The following ZNF229 variants were observed in gnomAD, a reference collection of about 807,000 sequenced individuals.
ZNF229 encodes the protein zinc finger protein 229.
A neutral mutation model predicts 11.8 loss-of-function variants in ZNF229; 10 were observed. The ratio of observed to expected loss-of-function variants is 0.85; its 90% confidence interval spans 0.52 to 1.44. The LOEUF is 1.44. Among genes scored for constraint, ZNF229 ranks in the 40% most tolerant of loss-of-function variants. The probability of loss-of-function intolerance (pLI) is 0.00; values close to 1 mark genes in which losing one functional copy is unlikely to be tolerated. For missense variants in ZNF229, 1,045 were observed against 1,015.1 expected, an observed-to-expected ratio of 1.03 and a Z score of -0.40; for synonymous variants, 368 against 374.8, an observed-to-expected ratio of 0.98 and a Z score of 0.21.
Position 44,442,946 on chromosome 19 carries a change from G to A in ZNF229, c.-99C>T, listed in dbSNP as rs569642791. 1.2e-4 allele frequency: 168 copies of A among 1,415,580 alleles called. 1 individual carries two copies. In the South Asian group the frequency reaches 1.5e-3, roughly 13 times the overall value. 87.7% of individuals were successfully genotyped at this position (1,415,580 alleles called of 1,614,324 possible). A position where few individuals can be genotyped will look rare whatever the true frequency, so the allele number is the denominator to read the frequency against. On this transcript the variant is annotated 5_prime_UTR_variant, in exon 3 of 6. Coordinates refer to ENST00000614049, the MANE Select transcript of ZNF229 (RefSeq NM_014518.4). ...AGAAGATCCAGGCCTTTTTCATTCCGGAAACTCTCCAAGCTCTGACAAGTT... is the reference window on the plus strand; with the variant it reads ...AGAAGATCCAGGCCTTTTTCATTCCAGAAACTCTCCAAGCTCTGACAAGTT...
chr19:44,446,715 G>C (rs944448511), intron 2 of ZNF229, among the ~76,000 whole-genome samples: 4 of 152,296 alleles, frequency 2.6e-5, no homozygotes, highest in Admixed American at 6.5e-5. Flanking sequence ...AAATTAAGAT[G>C]GAAAAGGTAA....
chr19:44,439,482 C>T (rs1568406843), intron 4 of ZNF229, among the ~76,000 whole-genome samples: 2 of 152,076 alleles, frequency 1.3e-5, no homozygotes, highest in South Asian at 2.1e-4. Context: ...CTCACTCTGT[C>T]GCCCAGGCTG....
Position 44,428,946 on chromosome 19 carries a change from C to A in ZNF229, c.1835G>T (p.Ser612Ile), listed in dbSNP as rs1225862518. The A allele has an allele frequency of 1.9e-6, 3 of 1,613,334 alleles. No individual in the cohort carries two copies. Among genetic ancestry groups the A allele is most frequent in the Middle Eastern group, 3.3e-4 (2 of 6,062 alleles). ...CCTCTGATGGATAAGGAGGTCGGAG[C>A]TGTAGATGAAACCCTTCCCACACAC... ...CDVCGKGFIY[S>I]SDLLIHQRVH... The change falls in exon 6 of 6, where the codon AGC becomes ATC. Residue 612 changes from serine (S) to isoleucine (I), a missense_variant. Ser to Ile is a moderately radical substitution (Grantham distance 142). Coordinates refer to ENST00000614049, the MANE Select transcript of ZNF229 (RefSeq NM_014518.4).
chr19:44,430,275 T>G lies in ZNF229; in HGVS notation c.506A>C (p.Glu169Ala). The stretch of plus-strand genomic sequence containing the variant: ...TCTCCAGGCTGGAAACTGTTGATTT[T>G]CTAGACCGATAAGCCCATCCCCTTG... Reference protein sequence around the residue: ...SLQGDGLIGLENQQFPAWRAI... With the variant: ...SLQGDGLIGLANQQFPAWRAI... Residue 169 changes from glutamate to alanine, a missense_variant, in exon 6 of 6, where the codon GAA becomes GCA. Coordinates refer to ENST00000614049, the MANE Select transcript of ZNF229 (RefSeq NM_014518.4). 1.2e-6 allele frequency: 2 copies of G among 1,614,162 alleles called. No individual in the cohort carries two copies. The highest frequency in any genetic ancestry group is 1.1e-5 in the South Asian group (1 of 91,084).
At position 44,428,409 on chromosome 19, in the gene ZNF229, G is replaced by C; in HGVS notation, c.2372C>G (p.Thr791Ser). Residue 791 changes from threonine to serine, a missense_variant, in exon 6 of 6, where the codon ACT becomes AGT. Coordinates refer to ENST00000614049, the MANE Select transcript of ZNF229 (RefSeq NM_014518.4). Reference sequence around the variant, plus strand: ...ACCACACGTATAGGGCTTCTCTCCAGTGTGGACTCTCTGATGAACATGAAG... The same window carrying C: ...ACCACACGTATAGGGCTTCTCTCCACTGTGGACTCTCTGATGAACATGAAG... ...SCLHVHQRVH[T>S]GEKPYTCGVC... 1 of 1,614,110 alleles carries C rather than the reference G, an allele frequency of 6.2e-7. No homozygotes were observed. Among genetic ancestry groups the C allele is most frequent in the Non-Finnish European group, 8.5e-7 (1 of 1,180,008 alleles).
chr19:44,440,153 T>TA (rs1002525636), intron 4 of ZNF229, among the ~76,000 whole-genome samples: 7 of 151,460 alleles, frequency 4.6e-5, no homozygotes, highest in African/African-American at 1.5e-4. Flanking sequence ...TTTTTAAGTG[T>TA]AAAAAAAATC....
intron 4 of ZNF229, among the ~76,000 whole-genome samples, chr19:44,436,123 T>C (rs946429916): frequency 3.9e-5 from 6 of 152,114 alleles, no homozygotes; most frequent in African/African-American, 1.2e-4. Context: ...CAGGGAGACA[T>C]GTTGGCCCGG....
In ZNF229 at chr19:44,431,876, C is replaced by T. The variant is rs556791393; in HGVS notation, c.238+346G>A. ...TACCATTAGGAGGTGGTGGGTCTTC[C>T]GGAGGTAATTAAGTCATGGAGGTGG... On this transcript the variant is annotated intron_variant, in intron 5 of 5. Coordinates refer to ENST00000614049, the MANE Select transcript of ZNF229 (RefSeq NM_014518.4). 55 of 914,800 alleles carry T rather than the reference C, an allele frequency of 6.0e-5. No individual in the cohort carries two copies. In the African/African-American group the frequency reaches 6.1e-4, roughly 10 times the overall value. 56.7% of individuals were successfully genotyped at this position (914,800 alleles called of 1,614,324 possible). A position where few individuals can be genotyped will look rare whatever the true frequency, so the allele number is the denominator to read the frequency against.
In ZNF229 at chr19:44,432,355, G is replaced by A; in HGVS notation, c.105C>T (p.Ser35=). 1 of 1,613,214 alleles carries A rather than the reference G, an allele frequency of 6.2e-7. No individual in the cohort carries two copies. The highest frequency in any genetic ancestry group is 1.1e-5 in the South Asian group (1 of 90,930). ...TGAAGACCACAGCCACGTCCTTGAA[G>A]CTCAATGGCTCCTAAAATGAAAAAC... ...EEKIMSQEPL[S]FKDVAVVFTE... The change falls in exon 5 of 6, where the codon AGC becomes AGT. Residue 35 remains serine (S), a synonymous_variant. Transcript: ENST00000614049.
At position 44,428,948 on chromosome 19, in the gene ZNF229, G is replaced by A. The variant is rs751352478; in HGVS notation, c.1833C>T (p.Tyr611=). Residue 611 remains tyrosine (Y), a synonymous_variant, in exon 6 of 6, where the codon TAC becomes TAT. Transcript: ENST00000614049. ...TCTGATGGATAAGGAGGTCGGAGCT[G>A]TAGATGAAACCCTTCCCACACACGT... ...VCDVCGKGFI[Y]SSDLLIHQRV... The A allele has an allele frequency of 1.2e-6, 2 of 1,610,016 alleles. No individual in the cohort carries two copies. Among genetic ancestry groups the A allele is most frequent in the Non-Finnish European group, 1.7e-6 (2 of 1,178,580 alleles).
At chr19:44,442,175 G>C (rs141219302) in intron 4 of ZNF229, among the ~76,000 whole-genome samples, 215 of 152,118 alleles carry the variant, frequency 1.4e-3, no homozygotes, top group African/African-American at 4.9e-3. Context: ...CTACTACATG[G>C]AGAACATTAC....
chr19:44,436,354 G>A (rs561770995), intron 4 of ZNF229, among the ~76,000 whole-genome samples: 7 of 149,720 alleles, frequency 4.7e-5, no homozygotes, highest in African/African-American at 1.7e-4. Context: ...AGAGAGAACC[G>A]TGTCTCAAAC....
At chr19:44,445,756 T>A (rs1018803423) in intron 2 of ZNF229, among the ~76,000 whole-genome samples, 5 of 152,210 alleles carry the variant, frequency 3.3e-5, no homozygotes, top group South Asian at 2.1e-4. Flanking sequence ...GTGAACTCTA[T>A]GAGGGCCAGT....
chr19:44,428,279 C>T lies in ZNF229; in HGVS notation c.*24G>A, dbSNP rs1600002189. 1.4e-5 allele frequency: 22 copies of T among 1,567,476 alleles called. No individual in the cohort carries two copies. The highest frequency in any genetic ancestry group is 1.8e-5 in the Non-Finnish European group (21 of 1,154,468). ...TCAGATGGATAGAAAGCTCTGAGTC[C>T]CAGATGGAATCCTCTATGTACATCT... On this transcript the variant is annotated 3_prime_UTR_variant, in exon 6 of 6. Transcript: ENST00000614049.
intron 5 of ZNF229, among the ~76,000 whole-genome samples, chr19:44,431,518 T>C (rs544425380): frequency 1.3e-4 from 20 of 152,168 alleles, no homozygotes; most frequent in Admixed American, 9.2e-4. Flanking sequence ...CTGTTTCTAT[T>C]AGAGGGACGG....
chr19:44,428,329 G>C lies in ZNF229; in HGVS notation c.2452C>G (p.His818Asp). 1 of 1,612,692 alleles carries C rather than the reference G, an allele frequency of 6.2e-7. No homozygotes were observed. Among genetic ancestry groups the C allele is most frequent in the Non-Finnish European group, 8.5e-7 (1 of 1,178,962 alleles). The stretch of plus-strand genomic sequence containing the variant: ...TACTTATAAGGGTTCTCGCCTAAAT[G>C]CACTCTTTGGTGGTTCCGCAGACCT... Reference protein sequence around the residue: ...TSGLRNHQRVHLGENPYK With the variant: ...TSGLRNHQRVDLGENPYK The change falls in exon 6 of 6, where the codon CAT becomes GAT. Residue 818 changes from histidine (H) to aspartate (D), a missense_variant. By Grantham distance (81) the His-to-Asp change is moderately conservative. Transcript: ENST00000614049.
At chr19:44,437,292 T>C (rs1971831951) in intron 4 of ZNF229, among the ~76,000 whole-genome samples, 1 of 152,162 alleles carries the variant, frequency 6.6e-6, no homozygotes, top group Non-Finnish European at 1.5e-5. Context: ...TTTAACTATA[T>C]AAGAACCTTA....
rs539162400 is a variant in ZNF229 at position 44,438,162 on chromosome 19, T to C, written c.93+4401A>G. On this transcript the variant is annotated intron_variant, in intron 4 of 5. Coordinates refer to ENST00000614049, the MANE Select transcript of ZNF229 (RefSeq NM_014518.4). ...TTGAGAGAAAATAATTATAACACTT[T>C]TGATAAGTGTTTAGAAGGGCTTCTA... 3.3e-5 allele frequency among the ~76,000 whole-genome samples: 5 copies of C among 152,304 alleles called. No individual in the cohort carries two copies. In the South Asian group the frequency reaches 1.0e-3, roughly 32 times the overall value.
At chr19:44,447,482 T>A (rs1203785797) in intron 2 of ZNF229, 31 bp downstream of exon 2, 1 of 152,140 alleles carries the variant, frequency 6.6e-6, no homozygotes, top group African/African-American at 2.4e-5. Context: ...AGACCTGGCA[T>A]TGCCACAAAA....
Sources: gnomAD v4.1 joint callset for allele counts (sites outside exome capture counted in the v4.1 genomes callset) on GRCh38, gnomAD v4.1.1 for gene constraint, MANE v1.5 for transcripts, NCBI Gene and HGNC (gene_info 2026-07-23, HGNC 2026-07-21) for gene names.